Variants in CAPN15 observed in about 807,000 individuals in gnomAD.
CAPN15 encodes calpain 15.
A neutral mutation model predicts 97.9 loss-of-function variants in CAPN15; 53 were observed. The ratio of observed to expected loss-of-function variants is 0.54; its 90% CI spans 0.43 to 0.68. The LOEUF (loss-of-function observed/expected upper bound fraction) is 0.68. CAPN15 is among the 30% of genes least tolerant of loss of function. The pLI is 0.00. For missense variants in CAPN15, 1,592 were observed against 1,589.8 expected (o/e 1.00, Z -0.02); for synonymous variants, 922 against 722.5 (o/e 1.28, Z -4.43).
intron 2 of CAPN15, 61 bp downstream of exon 2, chr16:534,059 T>C: frequency 1.1e-6 from 1 of 879,914 alleles, no homozygotes; most frequent in Non-Finnish European, 1.4e-6. Flanking sequence ...CAGAACTGTT[T>C]GTGGAGCAGC....
chr16:549,257 C>A, intron 5 of CAPN15, 31 bp from the exon 6 acceptor site: 1 of 1,557,068 alleles, frequency 6.4e-7, no homozygotes, highest in South Asian at 1.2e-5. Context: ...CGGCCGCGGT[C>A]CCCGCGAGGT....
At position 554,174 on chromosome 16, in the gene CAPN15, C is replaced by T. The variant is rs1370363958; in HGVS notation, c.*658C>T. On this transcript the variant is annotated 3_prime_UTR_variant, in exon 14 of 14. Transcript: ENST00000219611. ...TGTGGGTGGGCACCAGTTCTCAGCA[C>T]CGCTCACTGCTGCCGGGCACACTGG... 2 of 274,222 alleles carry T rather than the reference C, an allele frequency of 7.3e-6. No homozygotes were observed. The highest frequency in any genetic ancestry group is 4.0e-5 in the South Asian group (1 of 24,948). 17.0% of individuals were successfully genotyped at this position (274,222 alleles called of 1,614,324 possible).
rs2035273166 is a variant in CAPN15, at chr16:553,750, G to A, written c.*234G>A. On this transcript the variant is annotated 3_prime_UTR_variant, in exon 14 of 14. Transcript: ENST00000219611. ...CCGCCACGCAGAATACCTCGAACCA[G>A]GCGGGCTGTGAACCAGCCCCGCTCA... The A allele has an allele frequency of 9.6e-6, 4 of 416,772 alleles. No homozygotes were observed. The allele number at this position is 416,772 out of a possible 1,614,324, so 25.8% of individuals were successfully genotyped here. A position where few individuals can be genotyped will look rare whatever the true frequency, so the allele number is the denominator to read the frequency against.
rs1438639064 is a variant in CAPN15, at chr16:547,463, G to A, written c.625G>A (p.Ala209Thr). 1.3e-6 allele frequency: 2 copies of A among 1,593,702 alleles called. No individual in the cohort carries two copies. Among genetic ancestry groups the A allele is most frequent in the Non-Finnish European group, 1.7e-6 (2 of 1,177,150 alleles). The change falls in exon 4 of 14, where the codon GCC becomes ACC. Residue 209 changes from alanine (A) to threonine (T), a missense_variant. This residue lies in a region of CAPN15 where 883 missense variants were observed against 776.6 expected (regional missense o/e 1.14). Coordinates refer to ENST00000219611, the MANE Select transcript of CAPN15 (RefSeq NM_005632.3). ...TCCACCTGGCCTCCCCGGGGAAGGT[G>A]CCGAGGCCAACCCCCCAGCCACCAG... ...APPPGLPGEG[A>T]EANPPATSQG...
In CAPN15 at chr16:549,320, G is replaced by A. The variant is rs780681177; in HGVS notation, c.1691G>A (p.Arg564Gln). 13 of 1,593,052 alleles carry A rather than the reference G, an allele frequency of 8.2e-6. No homozygotes were observed. Among genetic ancestry groups the A allele is most frequent in the Non-Finnish European group, 1.1e-5 (13 of 1,176,722 alleles). Residue 564 changes from arginine to glutamine, a missense_variant, in exon 6 of 14, where the codon CGG becomes CAG. Transcript: ENST00000219611. Reference protein sequence around the residue: ...FLSALAVLAERPDLVERVMVT... With the variant: ...FLSALAVLAEQPDLVERVMVT... ...AGCGCCCTGGCGGTGCTGGCGGAGCGGCCGGACCTGGTGGAGCGGGTGATG... is the reference window on the plus strand; with the variant it reads ...AGCGCCCTGGCGGTGCTGGCGGAGCAGCCGGACCTGGTGGAGCGGGTGATG...
chr16:546,404 C>T (rs769301254), intron 3 of CAPN15, among the ~76,000 whole-genome samples: 8 of 151,270 alleles, frequency 5.3e-5, no homozygotes, highest in Non-Finnish European at 1.2e-4. Flanking sequence ...CCCCAGGCCC[C>T]GGCCCATGCA....
Position 553,852 on chromosome 16 carries a change from G to A in CAPN15, c.*336G>A, listed in dbSNP as rs954623164. The A allele has an allele frequency of 1.2e-5, 3 of 253,190 alleles. No individual in the cohort carries two copies. The highest frequency in any genetic ancestry group is 1.2e-3 in the Middle Eastern group (1 of 864). 15.7% of individuals were successfully genotyped at this position (253,190 alleles called of 1,614,324 possible). ...TGGGCTCAGGGTCTCCTGCGGGCTA[G>A]GCAGCCAGGAGCTCTGTCCGCAAAA... On this transcript the variant is annotated 3_prime_UTR_variant, in exon 14 of 14. Transcript: ENST00000219611.
chr16:540,065 TA>T, intron 3 of CAPN15: 2 of 984,744 alleles, frequency 2.0e-6, no homozygotes, highest in East Asian at 2.3e-4. Context: ...TCTGTCTGTT[TA>T]TTTTTGTTGT....
intron 1 of CAPN15, among the ~76,000 whole-genome samples, chr16:528,931 C>G (rs1236970071): frequency 6.6e-6 from 1 of 152,218 alleles, no homozygotes; most frequent in Non-Finnish European, 1.5e-5. Flanking sequence ...ATTGCCTCCG[C>G]GTTTCCAGAG....
Position 554,073 on chromosome 16 carries a change from C to T in CAPN15, c.*557C>T, listed in dbSNP as rs2035288887. On this transcript the variant is annotated 3_prime_UTR_variant, in exon 14 of 14. Transcript: ENST00000219611. ...AAGAAGGGGCCCTTGGCCAGCCCCC[C>T]AGCGACACTATGCAAATCCTGGAGT... The T allele has an allele frequency of 5.5e-6, 1 of 181,600 alleles. No individual in the cohort carries two copies. Among genetic ancestry groups the T allele is most frequent in the Non-Finnish European group, 1.2e-5 (1 of 86,088 alleles). The allele number at this position is 181,600 out of a possible 1,614,324, so 11.2% of individuals were successfully genotyped here. A position where few individuals can be genotyped will look rare whatever the true frequency, so the allele number is the denominator to read the frequency against.
chr16:551,602 C>T lies in CAPN15; in HGVS notation c.2283C>T (p.Gly761=), dbSNP rs143386541. 3.2e-4 allele frequency: 518 copies of T among 1,608,414 alleles called. 4 individuals are homozygous for T. The highest frequency in any genetic ancestry group is 2.1e-3 in the South Asian group (191 of 91,058). The change falls in exon 9 of 14, where the codon GGC becomes GGT. Residue 761 remains glycine (G), a synonymous_variant. Transcript: ENST00000219611. The part of the protein sequence containing the change: ...EWPHWPGHLR[G]ELMPHGSSEG... ...CACACTGGCCGGGGCACCTGCGTGG[C>T]GAGCTCATGCCGCACGGCAGCAGTG... is the stretch of plus-strand genomic sequence containing the variant.
intron 1 of CAPN15, among the ~76,000 whole-genome samples, chr16:533,490 C>T (rs889594551): frequency 1.3e-5 from 2 of 152,206 alleles, no homozygotes; most frequent in Non-Finnish European, 2.9e-5. Flanking sequence ...GGCTGTGTGC[C>T]TGTGCCTGCC....
In CAPN15 at chr16:547,288, G is replaced by T. The variant is rs767301726; in HGVS notation, c.450G>T (p.Pro150=). 6.6e-7 allele frequency: 1 copy of T among 1,513,960 alleles called. No individual in the cohort carries two copies. The highest frequency in any genetic ancestry group is 8.8e-7 in the Non-Finnish European group (1 of 1,135,686). 93.8% of individuals were successfully genotyped at this position (1,513,960 alleles called of 1,614,324 possible). Residue 150 remains proline, a synonymous_variant, in exon 4 of 14, where the codon CCG becomes CCT. Coordinates refer to ENST00000219611, the MANE Select transcript of CAPN15 (RefSeq NM_005632.3). ...AAEPRGGWAC[P]RCTLHNTPVA... is the part of the protein sequence containing the mutation. ...AGCCCAGAGGGGGCTGGGCGTGTCC[G>T]CGTTGCACGCTGCACAACACGCCCG...
At chr16:536,003 G>GCCCCC (rs34150277) in intron 2 of CAPN15, 26 bp from the exon 3 acceptor site, 2 of 34,072 alleles carry the variant, frequency 5.9e-5, no homozygotes, top group Non-Finnish European at 8.8e-5. Context: ...GCCCCTGCAC[G>GCCCCC]CCCCCCCCCC....
chr16:534,162 C>T (rs1044292882), intron 2 of CAPN15, among the ~76,000 whole-genome samples, 164 bp downstream of exon 2: 54 of 29,544 alleles, frequency 1.8e-3, no homozygotes, highest in East Asian at 0.045. Flanking sequence ...TGAAGAGCCT[C>T]GTTCTCCCAG....
At chr16:541,459 G>C (rs1422075993) in intron 3 of CAPN15, among the ~76,000 whole-genome samples, 1 of 152,220 alleles carries the variant, frequency 6.6e-6, no homozygotes, top group Non-Finnish European at 1.5e-5. Context: ...GGCCGGGGAG[G>C]GGCCGTGTGG....
chr16:542,892 AAAAC>A (rs1379314994), intron 3 of CAPN15, among the ~76,000 whole-genome samples: 1 of 152,158 alleles, frequency 6.6e-6, no homozygotes, highest in Non-Finnish European at 1.5e-5. Context: ...CATCTCTACT[AAAAC>A]AAAAATTAGC....
Position 547,239 on chromosome 16 carries a change from A to G in CAPN15, c.401A>G (p.Gln134Arg). Residue 134 changes from glutamine (Q) to arginine (R), a missense_variant, in exon 4 of 14, where the codon CAG becomes CGG. By Grantham distance (43) the Gln-to-Arg change is conservative. Around this residue, in one of 3 missense-constraint regions of CAPN15, gnomAD observed 883 missense variants for 776.6 expected, o/e 1.14. Transcript: ENST00000219611. ...AAGGACGAGGAGGAGAAGGAGGAGC[A>G]GGAGGAGGAGGAGGGAGCGGCGGAG... ...EDKDEEEKEE[Q>R]EEEEGAAEPR... is the part of the protein sequence containing the mutation. The G allele has an allele frequency of 3.4e-6, 5 of 1,487,154 alleles. No homozygotes were observed. The highest frequency in any genetic ancestry group is 4.5e-6 in the Non-Finnish European group (5 of 1,120,646). 92.1% of individuals were successfully genotyped at this position (1,487,154 alleles called of 1,614,324 possible). A position where few individuals can be genotyped will look rare whatever the true frequency, so the allele number is the denominator to read the frequency against.
chr16:551,869 C>T (rs777039277), intron 9 of CAPN15, 182 bp from the exon 10 acceptor site: 97 of 976,676 alleles, frequency 9.9e-5, no homozygotes, highest in East Asian at 1.8e-4. Flanking sequence ...CCTGAAGAGC[C>T]GGCCCTGGAG....
Sources: allele counts gnomAD v4.1 joint callset (sites outside exome capture counted in the v4.1 genomes callset), GRCh38; gene constraint gnomAD v4.1.1; regional missense constraint gnomAD v4.1.1; transcripts MANE v1.5; gene names NCBI Gene and HGNC (gene_info 2026-07-23, HGNC 2026-07-21).